GRPR: variants seen among roughly 807,000 people sequenced by gnomAD.
GRPR encodes gastrin-releasing peptide receptor.
Under a neutral mutation model 15.6 loss-of-function variants are expected in GRPR, and 4 were observed. The observed-to-expected ratio is 0.26, with a 90% CI of 0.13 to 0.59. The LOEUF (loss-of-function observed/expected upper bound fraction) is 0.59. GRPR is among the 20% of genes least tolerant of loss of function. The probability of loss-of-function intolerance (pLI) is 0.90; values close to 1 mark genes in which losing one functional copy is unlikely to be tolerated. For synonymous variants in GRPR, 128 were observed against 126.8 expected (o/e 1.01, Z -0.06); for missense variants, 270 against 304.1 (o/e 0.89, Z 0.83).
chrX:16,151,511 A>C (rs1404982177), intron 2 of GRPR, among the ~76,000 whole-genome samples: 2 of 111,887 alleles, frequency 1.8e-5, no homozygotes, highest in Non-Finnish European at 3.8e-5. Flanking sequence ...TATTTGTCTC[A>C]GTTGTGGGGG....
chrX:16,126,713 A>G (rs1244220879), intron 1 of GRPR, among the ~76,000 whole-genome samples: 1 of 112,137 alleles, frequency 8.9e-6, no homozygotes, highest in African/African-American at 3.2e-5. Flanking sequence ...CTTTGTATCT[A>G]TCTTCTTATG....
In GRPR at chrX:16,123,570, T is replaced by C. The variant is rs753930044; in HGVS notation, c.-384T>C. The stretch of plus-strand genomic sequence containing the variant: ...ACTTTAAACCTCCAGATTCTAAATA[T>C]CAGGAAAGACGCTGTGGGAAAATAG... On this transcript the variant is annotated 5_prime_UTR_variant, in exon 1 of 3. Coordinates refer to ENST00000380289, the MANE Select transcript of GRPR (RefSeq NM_005314.3). 9.3e-5 allele frequency: 15 copies of C among 162,007 alleles called. No homozygotes were observed. The highest frequency in any genetic ancestry group is 1.5e-4 in the Non-Finnish European group (13 of 85,837). The allele number at this position is 162,007 out of a possible 1,213,427, so 13.4% of individuals were successfully genotyped here. A position where few individuals can be genotyped will look rare whatever the true frequency, so the allele number is the denominator to read the frequency against.
chrX:16,127,475 T>TAC (rs1922311222), intron 1 of GRPR, among the ~76,000 whole-genome samples: 1 of 111,154 alleles, frequency 9.0e-6, no homozygotes, highest in Non-Finnish European at 1.9e-5. Flanking sequence ...TTTCTGTCCT[T>TAC]ACACACACAC....
intron 1 of GRPR, among the ~76,000 whole-genome samples, chrX:16,144,238 C>T (rs1334655557): frequency 5.4e-5 from 6 of 112,034 alleles, no homozygotes; most frequent in African/African-American, 1.9e-4. Context: ...TATAAGCCAG[C>T]TAATAATTGC....
chrX:16,143,778 T>C (rs1922563975), intron 1 of GRPR, among the ~76,000 whole-genome samples: 1 of 112,502 alleles, frequency 8.9e-6, no homozygotes, highest in Non-Finnish European at 1.9e-5. Flanking sequence ...ATGTGAGTTC[T>C]GTTTGTTCAT....
chrX:16,152,625 T>TGTCA lies in GRPR; in HGVS notation c.1136_1139dup (p.His380GlnfsTer9). 2 of 1,210,171 alleles carry TGTCA rather than the reference T, an allele frequency of 1.7e-6. No individual in the cohort carries two copies. The highest frequency in any genetic ancestry group is 2.2e-6 in the Non-Finnish European group (2 of 894,279). ...CTTTAGCCTCATCAATGGAAACATCTGTCACGAGCGGTATGTCTAGATTGA... is the reference window on the plus strand; with the variant it reads ...CTTTAGCCTCATCAATGGAAACATCTGTCAGTCACGAGCGGTATGTCTAGATTGA... On this transcript the variant is annotated frameshift_variant, in exon 3 of 3. Transcript: ENST00000380289. LOFTEE classifies it high-confidence loss of function.
Position 16,152,291 on chromosome X carries a change from G to A in GRPR, c.801G>A (p.Leu267=), listed in dbSNP as rs763616516. The A allele has an allele frequency of 3.0e-5, 36 of 1,206,148 alleles. No homozygotes were observed. Among genetic ancestry groups the A allele is most frequent in the Non-Finnish European group, 3.6e-5 (32 of 890,667 alleles). ...GGAAGCGACTTGCCAAGACAGTGCTGGTGTTTGTGGGCCTGTTCGCCTTCT... is the reference window on the plus strand; with the variant it reads ...GGAAGCGACTTGCCAAGACAGTGCTAGTGTTTGTGGGCCTGTTCGCCTTCT... ...ESRKRLAKTV[L]VFVGLFAFCW... Residue 267 remains leucine, a synonymous_variant, in exon 3 of 3, where the codon CTG becomes CTA. Coordinates refer to ENST00000380289, the MANE Select transcript of GRPR (RefSeq NM_005314.3).
intron 1 of GRPR, among the ~76,000 whole-genome samples, chrX:16,149,334 G>A (rs1386967690): frequency 9.0e-6 from 1 of 111,050 alleles, no homozygotes; most frequent in Non-Finnish European, 1.9e-5. Flanking sequence ...CCTTTCACAG[G>A]TATTGCTCCT....
At chrX:16,150,691 GGATATAAT>G (rs750682029) in intron 2 of GRPR, 35 bp downstream of exon 2, 1 of 840,396 alleles carries the variant, frequency 1.2e-6, no homozygotes, top group Non-Finnish European at 1.8e-6. Context: ...TCCTCCTTGG[GGATATAAT>G]CCCTTGCATT....
Position 16,124,034 on chromosome X carries a change from T to A in GRPR, c.81T>A (p.Asp27Glu). 1.7e-6 allele frequency: 2 copies of A among 1,201,705 alleles called. No individual in the cohort carries two copies. The highest frequency in any genetic ancestry group is 2.3e-6 in the Non-Finnish European group (2 of 886,505). Residue 27 changes from aspartate (D) to glutamate (E), a missense_variant, in exon 1 of 3, where the codon GAT becomes GAA. This residue lies in a region of GRPR where 115 missense variants were observed against 128.8 expected (regional missense o/e 0.89). Coordinates refer to ENST00000380289, the MANE Select transcript of GRPR (RefSeq NM_005314.3). ...GCAACATCTCCAGTCACAGTGCGGA[T>A]CTCCCCGTGAACGATGACTGGTCCC... ...MHCNISSHSA[D>E]LPVNDDWSHP...
chrX:16,129,609 C>T (rs1922348011), intron 1 of GRPR, among the ~76,000 whole-genome samples: 1 of 112,074 alleles, frequency 8.9e-6, no homozygotes, highest in African/African-American at 3.2e-5. Context: ...TCAAATGCCT[C>T]CCAGCTGCAC....
In GRPR at chrX:16,153,249, ATT is replaced by A. The variant is rs77914526; in HGVS notation, c.*613_*614del. ...ATATAAAACAATTCCCTAAGCATTTATTTTTTTTTTAAAAAGATGTTACTGAG... is the reference window on the plus strand; with the variant it reads ...ATATAAAACAATTCCCTAAGCATTTATTTTTTTTAAAAAGATGTTACTGAG... On this transcript the variant is annotated 3_prime_UTR_variant, in exon 3 of 3. Coordinates refer to ENST00000380289, the MANE Select transcript of GRPR (RefSeq NM_005314.3). 3,892 of 112,573 alleles carry A rather than the reference ATT, an allele frequency of 0.035. 182 individuals carry two copies. The highest frequency in any genetic ancestry group is 0.12 in the African/African-American group (3,637 of 30,680). 9.3% of individuals were successfully genotyped at this position (112,573 alleles called of 1,213,427 possible).
chrX:16,133,946 T>C (rs1422507705), intron 1 of GRPR, among the ~76,000 whole-genome samples: 1 of 111,749 alleles, frequency 8.9e-6, no homozygotes. Flanking sequence ...ACTTCAACTA[T>C]TGCTTCTATC....
intron 1 of GRPR, among the ~76,000 whole-genome samples, chrX:16,129,258 A>G (rs956319755): frequency 8.9e-6 from 1 of 112,845 alleles, no homozygotes; most frequent in Non-Finnish European, 1.9e-5. Context: ...TGTATGTGAT[A>G]ACATGGTTTG....
In GRPR at chrX:16,152,120, C is replaced by T. The variant is rs183289689; in HGVS notation, c.766-136C>T. 1.9e-4 allele frequency: 104 copies of T among 560,784 alleles called. No homozygotes were observed. In the East Asian group the frequency reaches 2.3e-3, roughly 13 times the overall value. The allele number at this position is 560,784 out of a possible 1,213,427, so 46.2% of individuals were successfully genotyped here. A position where few individuals can be genotyped will look rare whatever the true frequency, so the allele number is the denominator to read the frequency against. On this transcript the variant is annotated intron_variant, in intron 2 of 2. Transcript: ENST00000380289. Reference sequence around the variant, plus strand: ...TGCCCTCTCCTATTGAACTCTTTTTCGGTGGCTTTGTGAACTCCTCTATTG... The same window carrying T: ...TGCCCTCTCCTATTGAACTCTTTTTTGGTGGCTTTGTGAACTCCTCTATTG...
At chrX:16,127,414 T>A (rs1922310314) in intron 1 of GRPR, among the ~76,000 whole-genome samples, 1 of 111,721 alleles carries the variant, frequency 9.0e-6, no homozygotes, top group African/African-American at 3.3e-5. Flanking sequence ...GTTGTAGGTT[T>A]GCATTCAACC....
intron 1 of GRPR, among the ~76,000 whole-genome samples, chrX:16,146,021 G>A (rs112371156): frequency 1.9e-3 from 209 of 111,664 alleles, no homozygotes; most frequent in Non-Finnish European, 3.3e-3. Context: ...AATGAATCAA[G>A]AATCTGGAAT....
At chrX:16,145,176 A>G (rs1235792389) in intron 1 of GRPR, among the ~76,000 whole-genome samples, 1 of 112,108 alleles carries the variant, frequency 8.9e-6, no homozygotes, top group African/African-American at 3.2e-5. Context: ...GGAAATCAGT[A>G]TATCTAAGAG....
chrX:16,132,174 A>T (rs1167743201), intron 1 of GRPR, among the ~76,000 whole-genome samples: 1 of 112,157 alleles, frequency 8.9e-6, no homozygotes, highest in Non-Finnish European at 1.9e-5. Flanking sequence ...TACTGGGTAA[A>T]CCCAGAATAC....
Sources: gnomAD v4.1 joint callset for allele counts (sites outside exome capture counted in the v4.1 genomes callset) on GRCh38, gnomAD v4.1.1 for gene constraint, gnomAD v4.1.1 regional missense constraint, MANE v1.5 for transcripts, NCBI Gene and HGNC (gene_info 2026-07-23, HGNC 2026-07-21) for gene names.